The following OSMR variants were observed in gnomAD, a reference collection of about 807,000 sequenced individuals.
OSMR encodes the protein oncostatin M receptor.
Under a neutral mutation model 99.9 loss-of-function variants are expected in OSMR, and 81 were observed. The ratio of observed to expected loss-of-function variants is 0.81; its 90% CI spans 0.68 to 0.97. The LOEUF is 0.97. OSMR is among the 50% of genes least tolerant of loss of function. OSMR has a pLI of 0.00. For missense variants in OSMR, 1,099 were observed against 1,153.4 expected (o/e 0.95, Z 0.68); for synonymous variants, 406 against 410.4 (o/e 0.99, Z 0.13).
chr5:38,885,927 G>A (rs886920845), intron 6 of OSMR, 112 bp from the exon 7 acceptor site: 139 of 1,503,806 alleles, frequency 9.2e-5, no homozygotes, highest in Admixed American at 2.2e-4. Flanking sequence ...ATGCCATTAT[G>A]GGGAACATAG....
chr5:38,926,553 C>T (rs1270487363), intron 15 of OSMR, among the ~76,000 whole-genome samples: 1 of 152,116 alleles, frequency 6.6e-6, no homozygotes, highest in Admixed American at 6.6e-5. Flanking sequence ...CTTATAAAAC[C>T]ATCAGATCTT....
intron 3 of OSMR, among the ~76,000 whole-genome samples, chr5:38,879,641 T>G (rs1315831599): frequency 3.2e-4 from 47 of 148,910 alleles, no homozygotes; most frequent in African/African-American, 9.9e-4. Context: ...TTTTTTTTTT[T>G]GAGATGGAGT....
At chr5:38,850,124 T>A (rs1445579524) in intron 1 of OSMR, among the ~76,000 whole-genome samples, 2 of 152,200 alleles carry the variant, frequency 1.3e-5, no homozygotes, top group African/African-American at 4.8e-5. Flanking sequence ...TGAATGTGCA[T>A]ATGAATCACC....
At chr5:38,847,161 G>C (rs771380304) in intron 1 of OSMR, among the ~76,000 whole-genome samples, 4 of 152,226 alleles carry the variant, frequency 2.6e-5, no homozygotes, top group Non-Finnish European at 5.9e-5. Context: ...AAGGAATTCT[G>C]ATGGAGGAGA....
rs199625970 is a variant in OSMR, at chr5:38,919,057, A to C, written c.1580A>C (p.Glu527Ala). Reference sequence around the variant, plus strand: ...GTAATAGTCATCTCTGCAGACCCCGAAAACAGTGAGTTTGTTTTCATTTTC... The same window carrying C: ...GTAATAGTCATCTCTGCAGACCCCGCAAACAGTGAGTTTGTTTTCATTTTC... ...ASVIVISADP[E>A]NKEVEEERIA... is the part of the protein sequence containing the mutation. Residue 527 changes from glutamate to alanine, a missense_variant, in exon 11 of 18, where the codon GAA (glutamate) becomes GCA (alanine). Transcript: ENST00000274276. 2.4e-4 allele frequency: 384 copies of C among 1,613,910 alleles called. 1 individual carries two copies. The highest frequency in any genetic ancestry group is 2.8e-4 in the Non-Finnish European group (334 of 1,179,918).
intron 3 of OSMR, among the ~76,000 whole-genome samples, chr5:38,880,544 G>A (rs1436327801): frequency 6.6e-6 from 1 of 152,188 alleles, no homozygotes; most frequent in Admixed American, 6.5e-5. Context: ...AAGGGGTGGA[G>A]ACAAGAGGAA....
chr5:38,901,850 T>G (rs909806879), intron 7 of OSMR, among the ~76,000 whole-genome samples: 34 of 152,260 alleles, frequency 2.2e-4, no homozygotes, highest in African/African-American at 7.2e-4. Context: ...TCAATTTGAC[T>G]AAGGAGAGCA....
At chr5:38,937,747 T>G (rs1352905828), downstream of OSMR, among the ~76,000 whole-genome samples, 1 of 152,198 alleles carries the variant, frequency 6.6e-6, no homozygotes, top group Non-Finnish European at 1.5e-5. The surrounding 1 kb of genome is among the most constrained non-coding windows in gnomAD (Gnocchi z 4.0). Flanking sequence ...AATTATGAAG[T>G]GTTTAAGAAG....
intron 7 of OSMR, among the ~76,000 whole-genome samples, chr5:38,889,202 AT>A (rs1446663456): frequency 4.0e-5 from 6 of 151,756 alleles, no homozygotes; most frequent in Admixed American, 3.9e-4. Context: ...AGTATCAAAT[AT>A]TTTTTTAATT....
intron 7 of OSMR, among the ~76,000 whole-genome samples, chr5:38,893,018 A>G (rs1744258430): frequency 6.6e-6 from 1 of 152,208 alleles, no homozygotes; most frequent in African/African-American, 2.4e-5. Flanking sequence ...TCTGCAGAAC[A>G]GGAACCCCAG....
chr5:38,945,432 T>C, downstream of OSMR: 1 of 1,193,170 alleles, frequency 8.4e-7, no homozygotes, highest in Non-Finnish European at 1.2e-6. Context: ...TTTGGAAAAG[T>C]AAACCAGAGA....
chr5:38,941,930 T>C (rs1747613273), intron 1 of OSMR: 1 of 236,952 alleles, frequency 4.2e-6, no homozygotes, highest in African/African-American at 2.2e-5. Flanking sequence ...TAAAAATCAT[T>C]CAGAAATAAC....
intron 1 of OSMR, chr5:38,943,220 T>C (rs1391768071): frequency 2.7e-6 from 1 of 367,588 alleles, no homozygotes; most frequent in Non-Finnish European, 4.9e-6. Context: ...GAAGCATTCT[T>C]TTTTATTGGC....
chr5:38,863,731 A>T (rs1487550805), intron 1 of OSMR, among the ~76,000 whole-genome samples: 1 of 152,174 alleles, frequency 6.6e-6, no homozygotes, highest in Non-Finnish European at 1.5e-5. Context: ...TGTCTAGATG[A>T]TCTCTCCAAT....
At chr5:38,876,460 C>A in intron 3 of OSMR, 87 bp downstream of exon 3, 1 of 1,153,966 alleles carries the variant, frequency 8.7e-7, no homozygotes, top group Non-Finnish European at 1.3e-6. Context: ...GAAAAATTCT[C>A]GTTTTGGAAA....
intron 2 of OSMR, among the ~76,000 whole-genome samples, chr5:38,875,489 A>G (rs1195278746): frequency 1.3e-5 from 2 of 152,204 alleles, no homozygotes; most frequent in African/African-American, 4.8e-5. Context: ...CAAGGCCACC[A>G]ACTTCAGCAA....
At chr5:38,930,754 A>G (rs1261593218) in intron 15 of OSMR, among the ~76,000 whole-genome samples, 2 of 152,254 alleles carry the variant, frequency 1.3e-5, no homozygotes, top group Non-Finnish European at 2.9e-5. Context: ...ACTATAGTAA[A>G]CTATGTGCAT....
chr5:38,879,181 G>C (rs780407067), intron 3 of OSMR, among the ~76,000 whole-genome samples: 2 of 152,260 alleles, frequency 1.3e-5, no homozygotes, highest in Non-Finnish European at 2.9e-5. Context: ...GAGTAGAAAA[G>C]AGTGCTCTGA....
At chr5:38,862,124 G>C (rs865864436) in intron 1 of OSMR, among the ~76,000 whole-genome samples, 1 of 125,782 alleles carries the variant, frequency 8.0e-6, no homozygotes, top group Admixed American at 7.5e-5. Context: ...CCTCCCGGAC[G>C]GGGCGGCTGG....
Sources: gnomAD v4.1 joint callset for allele counts (sites outside exome capture counted in the v4.1 genomes callset) on GRCh38, gnomAD v4.1.1 for gene constraint, Gnocchi (gnomAD v3.1) non-coding constraint, MANE v1.5 for transcripts, NCBI Gene and HGNC (gene_info 2026-07-23, HGNC 2026-07-21) for gene names.